Variants in NOVA1 observed in about 807,000 individuals in gnomAD.
NOVA1 encodes NOVA alternative splicing regulator 1.
NOVA1 carries 7 observed loss-of-function variants against 38.0 expected under a neutral mutation model. The ratio of observed to expected loss-of-function variants is 0.18; its 90% confidence interval spans 0.10 to 0.35. The LOEUF (loss-of-function observed/expected upper bound fraction) is 0.35, where lower values mean the gene tolerates loss of function less well. Ranked by LOEUF, NOVA1 falls within the 10% of genes least tolerant of loss-of-function variation. The pLI, the probability that NOVA1 is intolerant of heterozygous loss-of-function variation, is 1.00. For synonymous variants in NOVA1, 270 were observed against 232.5 expected, an observed-to-expected ratio of 1.16 and a Z score of -1.47; for missense variants, 460 against 616.0, an observed-to-expected ratio of 0.75 and a Z score of 2.68.
At chr14:26,540,530 C>T (rs1381838849) in intron 2 of NOVA1, among the ~76,000 whole-genome samples, 1 of 152,198 alleles carries the variant, frequency 6.6e-6, no homozygotes, top group East Asian at 1.9e-4. Flanking sequence ...AAAGACAACT[C>T]AGTTCATCTA....
At chr14:26,568,943 A>C (rs563814114) in intron 2 of NOVA1, among the ~76,000 whole-genome samples, 140 of 152,336 alleles carry the variant, frequency 9.2e-4, no homozygotes, top group African/African-American at 3.2e-3. Flanking sequence ...ATGAATTCAT[A>C]CCTGGTGGTT....
At chr14:26,492,335 A>G in intron 2 of NOVA1, among the ~76,000 whole-genome samples, 1 of 152,138 alleles carries the variant, frequency 6.6e-6, no homozygotes, top group African/African-American at 2.4e-5. Context: ...TTCCTTTCCA[A>G]TTTGGATACC....
At chr14:26,555,936 T>C (rs1029793909) in intron 2 of NOVA1, among the ~76,000 whole-genome samples, 34 of 152,196 alleles carry the variant, frequency 2.2e-4, no homozygotes, top group South Asian at 1.2e-3. Context: ...AAAAGTTCAA[T>C]ATAAAACTAA....
chr14:26,482,864 T>C (rs921530242), intron 2 of NOVA1, among the ~76,000 whole-genome samples: 6 of 152,076 alleles, frequency 3.9e-5, no homozygotes, highest in Non-Finnish European at 8.8e-5. Context: ...CATGCCTGGC[T>C]AATTTTTTGG....
intron 2 of NOVA1, among the ~76,000 whole-genome samples, chr14:26,541,362 A>T (rs1890456300): frequency 6.6e-6 from 1 of 151,880 alleles, no homozygotes; most frequent in South Asian, 2.1e-4. Context: ...AAAAATTTAC[A>T]GTTAATCACT....
At chr14:26,530,148 G>A (rs1889601486) in intron 2 of NOVA1, among the ~76,000 whole-genome samples, 1 of 152,138 alleles carries the variant, frequency 6.6e-6, no homozygotes, top group Admixed American at 6.5e-5. Context: ...TCGATCTCCT[G>A]ACCTCATGAT....
At chr14:26,474,326 T>C (rs895219177) in intron 3 of NOVA1, among the ~76,000 whole-genome samples, 17 of 152,108 alleles carry the variant, frequency 1.1e-4, no homozygotes, top group African/African-American at 3.9e-4. Flanking sequence ...ACAGGTTTAA[T>C]ATGACATCCA....
At chr14:26,527,817 T>C (rs1213381818) in intron 2 of NOVA1, among the ~76,000 whole-genome samples, 1 of 152,216 alleles carries the variant, frequency 6.6e-6, no homozygotes, top group Non-Finnish European at 1.5e-5. Context: ...GACAATAGTG[T>C]GGCCTTTAGA....
intron 4 of NOVA1, among the ~76,000 whole-genome samples, chr14:26,459,228 G>C (rs140370784): frequency 2.6e-4 from 40 of 152,126 alleles, no homozygotes; most frequent in African/African-American, 9.2e-4. Flanking sequence ...ATATATACAG[G>C]AGTATCATTT....
chr14:26,468,997 T>C (rs927273709), intron 4 of NOVA1, among the ~76,000 whole-genome samples: 5 of 152,184 alleles, frequency 3.3e-5, no homozygotes, highest in African/African-American at 4.8e-5. Context: ...CTGAGTAACT[T>C]AGTATTAATA....
intron 2 of NOVA1, among the ~76,000 whole-genome samples, chr14:26,578,433 G>A (rs1260149173): frequency 6.6e-6 from 1 of 152,018 alleles, no homozygotes; most frequent in African/African-American, 2.4e-5. Context: ...ACTTGATACT[G>A]CAGGAAAGTG....
intron 3 of NOVA1, among the ~76,000 whole-genome samples, chr14:26,478,466 G>A (rs1461546588): frequency 1.3e-5 from 2 of 151,856 alleles, no homozygotes; most frequent in African/African-American, 4.8e-5. Context: ...CTTATAGGCT[G>A]GATTAAGGCA....
chr14:26,493,377 A>C (rs1360438178), intron 2 of NOVA1, among the ~76,000 whole-genome samples: 1 of 152,278 alleles, frequency 6.6e-6, no homozygotes, highest in African/African-American at 2.4e-5. Context: ...ATGTTTCCAT[A>C]ATGTATTTCT....
At chr14:26,527,147 A>G (rs1889365166) in intron 2 of NOVA1, among the ~76,000 whole-genome samples, 1 of 152,216 alleles carries the variant, frequency 6.6e-6, no homozygotes, top group Non-Finnish European at 1.5e-5. Context: ...GTCATGAGCT[A>G]TGGTGCTTTC....
chr14:26,558,453 T>C (rs1317796497), intron 2 of NOVA1, among the ~76,000 whole-genome samples: 2 of 152,148 alleles, frequency 1.3e-5, no homozygotes, highest in Non-Finnish European at 2.9e-5. Context: ...CTTTGGACTT[T>C]CTGCTCAATT....
Position 26,448,246 on chromosome 14 carries a change from T to C in NOVA1, c.1237A>G (p.Thr413Ala), listed in dbSNP as rs780746563. The part of the protein sequence containing the change: ...SPLAASAILG[T>A]EKSTDGSKDV... ...TTGGATCCATCTGTGGACTTTTCTGTTCCTAGAATGGCACTGGCAGCTAGG... is the reference window on the plus strand; with the variant it reads ...TTGGATCCATCTGTGGACTTTTCTGCTCCTAGAATGGCACTGGCAGCTAGG... The change falls in exon 5 of 5, where the codon ACA becomes GCA. Residue 413 changes from threonine to alanine, a missense_variant. Transcript: ENST00000539517. This position sits in a 1 kb window ranked among gnomAD's most constrained non-coding sequence, Gnocchi z 5.3. The C allele has an allele frequency of 1.2e-6, 2 of 1,614,224 alleles. No individual in the cohort carries two copies. The highest frequency in any genetic ancestry group is 1.6e-4 in the Middle Eastern group (1 of 6,062).
chr14:26,463,279 C>T (rs1325903210), intron 4 of NOVA1, among the ~76,000 whole-genome samples: 7 of 152,238 alleles, frequency 4.6e-5, no homozygotes, highest in Admixed American at 6.5e-5. Flanking sequence ...TTTCTTGTAT[C>T]AACATTGTAT....
intron 2 of NOVA1, among the ~76,000 whole-genome samples, chr14:26,514,693 C>T (rs979525609): frequency 2.2e-4 from 33 of 151,690 alleles, no homozygotes; most frequent in African/African-American, 7.0e-4. Context: ...TATACCAGTA[C>T]GGCCTTGCTA....
At chr14:26,585,636 G>A (rs971006352) in intron 2 of NOVA1, among the ~76,000 whole-genome samples, 2 of 151,122 alleles carry the variant, frequency 1.3e-5, no homozygotes, top group Admixed American at 6.6e-5. Context: ...ATAAAATCTT[G>A]TAATATATAT....
Sources: allele counts gnomAD v4.1 joint callset (sites outside exome capture counted in the v4.1 genomes callset), GRCh38; gene constraint gnomAD v4.1.1; non-coding constraint Gnocchi (gnomAD v3.1); transcripts MANE v1.5; gene names NCBI Gene and HGNC (gene_info 2026-07-23, HGNC 2026-07-21).